The following ANKRD36 variants were observed in gnomAD, a reference collection of about 807,000 sequenced individuals.
ANKRD36 encodes ankyrin repeat domain 36, also known as ankyrin repeat domain-containing protein 36A.
ANKRD36 carries 179 observed loss-of-function variants against 278.1 expected under a neutral mutation model. The ratio of observed to expected loss-of-function variants is 0.64; its 90% CI spans 0.57 to 0.73. The LOEUF (loss-of-function observed/expected upper bound fraction) is 0.73, where lower values mean the gene tolerates loss of function less well. Among genes scored for constraint, ANKRD36 ranks in the 30% least tolerant of loss-of-function variants. ANKRD36 has a pLI of 0.00. For missense variants in ANKRD36, 1,159 were observed against 1,956.7 expected, an observed-to-expected ratio of 0.59 and a Z score of 7.69; for synonymous variants, 320 against 641.1, an observed-to-expected ratio of 0.50 and a Z score of 7.57.
intron 15 of ANKRD36, among the ~76,000 whole-genome samples, chr2:97,155,333 C>G (rs1425661830): frequency 6.9e-6 from 1 of 144,406 alleles, no homozygotes; most frequent in African/African-American, 2.4e-5. Context: ...TTTAACTAGA[C>G]ATGGTATCAT....
Position 97,113,763 on chromosome 2 carries a change from G to T in ANKRD36, c.24G>T (p.Arg8Ser), listed in dbSNP as rs1287067639. The T allele has an allele frequency of 3.7e-6, 6 of 1,612,690 alleles. No individual in the cohort carries two copies. The highest frequency in any genetic ancestry group is 5.1e-6 in the Non-Finnish European group (6 of 1,179,982). MEDGKRERWPTLMERLCS... is the reference protein window; with the variant it reads MEDGKRESWPTLMERLCS... ...TTATGGAAGACGGCAAGCGGGAGAG[G>T]TGGCCCACCCTCATGGAGCGCTTGT... The change falls in exon 1 of 76, where the codon AGG becomes AGT. Residue 8 changes from arginine to serine, a missense_variant. Arg to Ser is a moderately radical substitution (Grantham distance 110). Transcript: ENST00000420699.
chr2:97,179,750 A>C lies in ANKRD36; in HGVS notation c.1646A>C (p.Lys549Thr), dbSNP rs539753602. 7.0e-5 allele frequency: 112 copies of C among 1,593,872 alleles called. No homozygotes were observed. In the East Asian group the frequency reaches 1.8e-3, roughly 26 times the overall value. Residue 549 changes from lysine to threonine, a missense_variant, in exon 23 of 76, where the codon AAA becomes ACA. Physicochemically the swap from Lys to Thr is moderately conservative, Grantham distance 78. Transcript: ENST00000420699. ...TTTTGCTTTTCAGTGTCTTCTCAGA[A>C]ACAACCAGCTGAGAAGGTAATTAAA... is the stretch of plus-strand genomic sequence containing the variant. ...SPPPGKVSSQ[K>T]QPAEKATSDD...
intron 40 of ANKRD36, 28 bp downstream of exon 40, chr2:97,194,945 A>G (rs2059358530): frequency 1.3e-6 from 2 of 1,540,334 alleles, no homozygotes; most frequent in African/African-American, 2.7e-5. Context: ...ATTTAATGTC[A>G]TGTTCAGTCC....
Position 97,189,335 on chromosome 2 carries a change from A to G in ANKRD36, c.2245+45A>G, listed in dbSNP as rs747923972. The G allele has an allele frequency of 3.8e-5, 27 of 716,372 alleles. 11 individuals carry two copies. The highest frequency in any genetic ancestry group is 4.7e-5 in the Non-Finnish European group (20 of 421,338). The allele number at this position is 716,372 out of a possible 1,614,324, so 44.4% of individuals were successfully genotyped here. A position where few individuals can be genotyped will look rare whatever the true frequency, so the allele number is the denominator to read the frequency against. ...TCAATGTCATGTTCAATCCAGATAGAAAAGAACTTCTCTACCCCGAATAAA... is the reference window on the plus strand; with the variant it reads ...TCAATGTCATGTTCAATCCAGATAGGAAAGAACTTCTCTACCCCGAATAAA... On this transcript the variant is annotated intron_variant, in intron 34 of 75. Transcript: ENST00000420699.
At position 97,217,352 on chromosome 2, in the gene ANKRD36, G is replaced by A; in HGVS notation, c.3755G>A (p.Gly1252Asp). ...TTGAATATTGCCACAAGAATAACAG[G>A]CGGTTGGAAATCTGGAACAGGTAAT... ...SLLNIATRIT[G>D]GWKSGTEYPE... Residue 1252 changes from glycine (G) to aspartate (D), a missense_variant, in exon 64 of 76, where the codon GGC becomes GAC. Transcript: ENST00000420699. 6.5e-7 allele frequency: 1 copy of A among 1,550,272 alleles called. No homozygotes were observed. Among genetic ancestry groups the A allele is most frequent in the South Asian group, 1.2e-5 (1 of 83,776 alleles).
In ANKRD36 at chr2:97,217,302, T is replaced by C; in HGVS notation, c.3705T>C (p.Val1235=). 1 of 1,550,180 alleles carries C rather than the reference T, an allele frequency of 6.5e-7. No individual in the cohort carries two copies. ...ATTTTGTTTCTCTTTCCATTCAGGT[T>C]ATATTTAAAAAGAAAGTTTCTCTTT... ...VSPQKQSAQK[V]IFKKKVSLLN... is the part of the protein sequence containing the mutation. The change falls in exon 64 of 76, where the codon GTT becomes GTC. Residue 1235 remains valine (V), a splice_region_variant and synonymous_variant. Coordinates refer to ENST00000420699, the MANE Select transcript of ANKRD36 (RefSeq NM_001354587.1).
At chr2:97,169,495 A>G (rs2051744905) in intron 22 of ANKRD36, among the ~76,000 whole-genome samples, 1 of 152,300 alleles carries the variant, frequency 6.6e-6, no homozygotes, top group Non-Finnish European at 1.5e-5. Context: ...AAGGAAGTCA[A>G]ATTGTCTCTG....
At chr2:97,123,609 A>C (rs1402932983) in intron 4 of ANKRD36, among the ~76,000 whole-genome samples, 1 of 55,646 alleles carries the variant, frequency 1.8e-5, no homozygotes, top group Non-Finnish European at 7.1e-5. Context: ...GTGTGTAAGT[A>C]ACATTATATA....
At chr2:97,209,975 A>C (rs879923970) in intron 56 of ANKRD36, 103 bp downstream of exon 56, 323 of 1,448,248 alleles carry the variant, frequency 2.2e-4, no homozygotes, top group Non-Finnish European at 2.9e-4. Flanking sequence ...GCACATTCTG[A>C]TTCAGCAGTC....
chr2:97,124,984 G>C (rs1424992080), intron 5 of ANKRD36, among the ~76,000 whole-genome samples: 1 of 151,794 alleles, frequency 6.6e-6, no homozygotes, highest in Non-Finnish European at 1.5e-5. Context: ...AAAAAACCTT[G>C]AGCTGTGTAC....
intron 38 of ANKRD36, among the ~76,000 whole-genome samples, chr2:97,194,024 T>C (rs1045075312): frequency 1.3e-5 from 2 of 151,638 alleles, no homozygotes; most frequent in Non-Finnish European, 2.9e-5. Context: ...CAAATGATAA[T>C]TGATGATATT....
At chr2:97,146,257 G>A (rs1400370599) in intron 10 of ANKRD36, among the ~76,000 whole-genome samples, 2 of 149,204 alleles carry the variant, frequency 1.3e-5, no homozygotes, top group Non-Finnish European at 3.0e-5. Context: ...GTGACCCACC[G>A]AGCCCTGCCT....
At position 97,206,061 on chromosome 2, in the gene ANKRD36, A is replaced by G. The variant is rs548803792; in HGVS notation, c.3091-2A>G. On this transcript the variant is annotated splice_acceptor_variant, in intron 51 of 75. Transcript: ENST00000420699. LOFTEE classifies it high-confidence loss of function. ...TATTATTTTGTTTCAAATTCCATTC[A>G]GGCTACAAGTGATGAGGAAGATTCT... 155 of 1,550,270 alleles carry G rather than the reference A, an allele frequency of 1.0e-4. 6 individuals carry two copies. The Admixed American group carries it at 3.0e-3, about 30-fold the overall frequency.
intron 6 of ANKRD36, among the ~76,000 whole-genome samples, chr2:97,131,932 G>A (rs1366137826): frequency 6.6e-6 from 1 of 151,408 alleles, no homozygotes; most frequent in African/African-American, 2.4e-5. Context: ...GGGTTCAAGC[G>A]CTTCTCCTGC....
chr2:97,205,851 G>C, intron 50 of ANKRD36, 89 bp from the exon 51 acceptor site: 2 of 1,441,856 alleles, frequency 1.4e-6, no homozygotes, highest in Non-Finnish European at 1.9e-6. Context: ...CAGGCAGGAG[G>C]ACAGAGGTTG....
At chr2:97,154,454 G>T (rs960297195) in intron 14 of ANKRD36, among the ~76,000 whole-genome samples, 7 of 146,642 alleles carry the variant, frequency 4.8e-5, no homozygotes, top group African/African-American at 1.7e-4. Context: ...TTCATAGGTT[G>T]GGAGAAGTGG....
At chr2:97,137,304 A>G (rs149586711) in intron 6 of ANKRD36, among the ~76,000 whole-genome samples, 2 of 151,546 alleles carry the variant, frequency 1.3e-5, no homozygotes, top group African/African-American at 4.8e-5. Context: ...GTGCCACCAC[A>G]CTCAGCTACT....
chr2:97,185,582 C>A, intron 30 of ANKRD36, 72 bp downstream of exon 30: 2 of 1,526,458 alleles, frequency 1.3e-6, no homozygotes, highest in Non-Finnish European at 1.8e-6. Flanking sequence ...CTGAATAAAT[C>A]AGCGGGGGGC....
chr2:97,166,759 G>T (rs1381383216), intron 20 of ANKRD36, among the ~76,000 whole-genome samples: 1 of 152,306 alleles, frequency 6.6e-6, no homozygotes, highest in Admixed American at 6.5e-5. Flanking sequence ...TCTCTGTAGG[G>T]GTCACACAGC....
Sources: allele counts gnomAD v4.1 joint callset (sites outside exome capture counted in the v4.1 genomes callset), GRCh38; gene constraint gnomAD v4.1.1; transcripts MANE v1.5; gene names NCBI Gene and HGNC (gene_info 2026-07-23, HGNC 2026-07-21).